SPAG17: variants seen among roughly 807,000 people sequenced by gnomAD.
The protein encoded by SPAG17 is sperm-associated antigen 17.
Under a neutral mutation model 273.6 loss-of-function variants are expected in SPAG17, and 169 were observed. The observed-to-expected ratio is 0.62, with a 90% CI of 0.55 to 0.70. The LOEUF (loss-of-function observed/expected upper bound fraction) is 0.70, where lower values mean the gene tolerates loss of function less well. Among genes scored for constraint, SPAG17 ranks in the 30% least tolerant of loss-of-function variants. SPAG17 has a pLI of 0.00. For synonymous variants in SPAG17, 825 were observed against 873.2 expected, an observed-to-expected ratio of 0.94 and a Z score of 0.97; for missense variants, 2,557 against 2,627.8, an observed-to-expected ratio of 0.97 and a Z score of 0.59.
chr1:118,070,810 G>C (rs1653499848), intron 17 of SPAG17, among the ~76,000 whole-genome samples: 1 of 152,100 alleles, frequency 6.6e-6, no homozygotes, highest in East Asian at 1.9e-4. Context: ...GTGTGTAATA[G>C]CACTTATATA....
chr1:118,063,160 C>T (rs997560353), intron 18 of SPAG17, among the ~76,000 whole-genome samples: 2 of 152,060 alleles, frequency 1.3e-5, no homozygotes, highest in African/African-American at 2.4e-5. Context: ...CCATACTGCC[C>T]AAGGTAATTT....
intron 48 of SPAG17, chr1:117,957,342 T>A (rs1652363832): frequency 1.9e-6 from 2 of 1,035,734 alleles, no homozygotes; most frequent in African/African-American, 3.3e-5. Context: ...TTTGGGAGGC[T>A]GAGGTGGGTG....
chr1:117,967,864 AT>A (rs1373815014), intron 46 of SPAG17, among the ~76,000 whole-genome samples: 1 of 152,254 alleles, frequency 6.6e-6, no homozygotes, highest in Non-Finnish European at 1.5e-5. Context: ...CTAGAAAAAA[AT>A]AAATCTGAAA....
At chr1:117,978,992 T>C (rs541724684) in intron 43 of SPAG17, among the ~76,000 whole-genome samples, 19 of 151,952 alleles carry the variant, frequency 1.3e-4, no homozygotes, top group African/African-American at 4.1e-4. Context: ...CTCAGCCTCC[T>C]GAGTAGCTGG....
chr1:117,976,941 ACT>A (rs1655205706), intron 43 of SPAG17, among the ~76,000 whole-genome samples: 1 of 151,706 alleles, frequency 6.6e-6, no homozygotes, highest in African/African-American at 2.4e-5. Context: ...CCAAATAAAA[ACT>A]CTCTTATTTA....
At chr1:118,160,458 C>T (rs532845501) in intron 1 of SPAG17, among the ~76,000 whole-genome samples, 4 of 152,152 alleles carry the variant, frequency 2.6e-5, no homozygotes, top group Non-Finnish European at 4.4e-5. Context: ...ACAAAATAAC[C>T]GACCAATACT....
chr1:118,156,584 T>G (rs1659661242), intron 1 of SPAG17, among the ~76,000 whole-genome samples: 1 of 152,282 alleles, frequency 6.6e-6, no homozygotes. Context: ...AGGAGTGACT[T>G]AGACATGCAA....
chr1:117,996,773 A>G (rs190926326), intron 32 of SPAG17, 30 bp from the exon 33 acceptor site: 1 of 1,566,186 alleles, frequency 6.4e-7, no homozygotes, highest in Non-Finnish European at 8.6e-7. Flanking sequence ...AGCAACTAAA[A>G]GAAAAGAAAG....
At chr1:118,067,733 A>G (rs114993120) in intron 17 of SPAG17, among the ~76,000 whole-genome samples, 1,569 of 152,326 alleles carry the variant, frequency 0.01, 27 homozygotes, top group African/African-American at 0.036. Flanking sequence ...GCATAAATTG[A>G]GGCTGAGAGA....
At chr1:118,087,755 T>A (rs1655102713) in intron 10 of SPAG17, among the ~76,000 whole-genome samples, 1 of 152,218 alleles carries the variant, frequency 6.6e-6, no homozygotes. Context: ...CCCTTTACCC[T>A]ATATCCTATA....
chr1:117,958,783 T>C, intron 48 of SPAG17: 1 of 570,256 alleles, frequency 1.8e-6, no homozygotes, highest in Non-Finnish European at 2.9e-6. Flanking sequence ...TTTTTTTTTT[T>C]GCTCGAAACA....
chr1:118,134,321 T>C (rs1486746202), intron 3 of SPAG17, among the ~76,000 whole-genome samples: 17 of 152,190 alleles, frequency 1.1e-4, no homozygotes, highest in Non-Finnish European at 1.5e-5. Context: ...GTGGAAATGA[T>C]ATGATATAGA....
At chr1:118,177,047 T>C (rs1462415165) in intron 1 of SPAG17, among the ~76,000 whole-genome samples, 1 of 151,956 alleles carries the variant, frequency 6.6e-6, no homozygotes, top group Non-Finnish European at 1.5e-5. Flanking sequence ...TACAGCAAAA[T>C]AAATATTAAG....
intron 29 of SPAG17, 101 bp from the exon 30 acceptor site, chr1:118,012,473 T>C: frequency 3.0e-6 from 4 of 1,341,440 alleles, no homozygotes; most frequent in Non-Finnish European, 3.0e-6. Context: ...ATCAAAGTCC[T>C]AGTTATTTAT....
intron 1 of SPAG17, among the ~76,000 whole-genome samples, chr1:118,157,356 G>A (rs1284227862): frequency 6.6e-6 from 1 of 152,122 alleles, no homozygotes; most frequent in African/African-American, 2.4e-5. Flanking sequence ...GCGCTATGTG[G>A]ATCTATAATT....
chr1:118,017,523 G>A (rs1472238527), intron 28 of SPAG17, among the ~76,000 whole-genome samples: 1 of 152,128 alleles, frequency 6.6e-6, no homozygotes, highest in Non-Finnish European at 1.5e-5. Context: ...GTACGTTAGA[G>A]ACCTTGGAAT....
intron 32 of SPAG17, among the ~76,000 whole-genome samples, chr1:118,004,224 G>T (rs910048577): frequency 1.3e-5 from 2 of 152,190 alleles, no homozygotes; most frequent in African/African-American, 4.8e-5. Flanking sequence ...TGAGGTGTCT[G>T]TTGGCCCCTA....
rs536698345 is a variant in SPAG17 at position 118,061,712 on chromosome 1, A to G, written c.2540+5033T>C. On this transcript the variant is annotated intron_variant, in intron 18 of 48. Coordinates refer to ENST00000336338, the MANE Select transcript of SPAG17 (RefSeq NM_206996.4). Reference sequence around the variant, plus strand: ...TTAGTACCTTGGTTGTGGTGATGGTATATGTTCATGCATATGTTCAACCTC... The same window carrying G: ...TTAGTACCTTGGTTGTGGTGATGGTGTATGTTCATGCATATGTTCAACCTC... 7.2e-5 allele frequency among the ~76,000 whole-genome samples: 11 copies of G among 152,330 alleles called. No homozygotes were observed. In the East Asian group the frequency reaches 2.1e-3, roughly 29 times the overall value.
intron 7 of SPAG17, among the ~76,000 whole-genome samples, chr1:118,094,170 A>C (rs1286577563): frequency 6.6e-6 from 1 of 152,200 alleles, no homozygotes; most frequent in Non-Finnish European, 1.5e-5. Context: ...ATTCCCACTA[A>C]GACCAAGGCT....
Sources: allele counts gnomAD v4.1 joint callset (sites outside exome capture counted in the v4.1 genomes callset), GRCh38; gene constraint gnomAD v4.1.1; transcripts MANE v1.5; gene names NCBI Gene and HGNC (gene_info 2026-07-23, HGNC 2026-07-21).